YES1: variants seen among roughly 807,000 people sequenced by gnomAD.
YES1 encodes the protein YES proto-oncogene 1, Src family tyrosine kinase.
YES1 carries 39 observed loss-of-function variants against 70.4 expected under a neutral mutation model. The observed-to-expected ratio is 0.55, with a 90% CI of 0.43 to 0.72. YES1 has a LOEUF of 0.72. Ranked by LOEUF, YES1 falls within the 30% of genes least tolerant of loss-of-function variation. YES1 has a pLI of 0.00. For synonymous variants in YES1, 198 were observed against 218.6 expected (o/e 0.91, Z 0.83); for missense variants, 495 against 644.8 (o/e 0.77, Z 2.52).
chr18:772,325 G>C (rs911055715), intron 1 of YES1, among the ~76,000 whole-genome samples: 1 of 151,862 alleles, frequency 6.6e-6, no homozygotes, highest in Non-Finnish European at 1.5e-5. Flanking sequence ...CACCGCACCC[G>C]GCCTGCATGT....
chr18:772,318 C>T (rs367569942), intron 1 of YES1, among the ~76,000 whole-genome samples: 2 of 151,974 alleles, frequency 1.3e-5, no homozygotes, highest in Non-Finnish European at 2.9e-5. Flanking sequence ...CATGAGCCAC[C>T]GCACCCGGCC....
intron 8 of YES1, among the ~76,000 whole-genome samples, chr18:741,544 C>G (rs2080217092): frequency 6.6e-6 from 1 of 152,164 alleles, no homozygotes; most frequent in Admixed American, 6.5e-5. Flanking sequence ...TGGCTCACAC[C>G]TGTAATCCCA....
intron 1 of YES1, among the ~76,000 whole-genome samples, chr18:799,141 A>C (rs1384306050): frequency 6.6e-6 from 1 of 152,164 alleles, no homozygotes; most frequent in African/African-American, 2.4e-5. Flanking sequence ...TACCTTTCAA[A>C]TATTCTAACC....
intron 1 of YES1, among the ~76,000 whole-genome samples, chr18:809,824 G>C (rs1310984178): frequency 1.3e-5 from 2 of 151,852 alleles, no homozygotes; most frequent in Non-Finnish European, 2.9e-5. Flanking sequence ...GCACACAAAC[G>C]TAGGGCTTAA....
At chr18:749,787 G>A (rs2080322618) in intron 3 of YES1, among the ~76,000 whole-genome samples, 2 of 151,648 alleles carry the variant, frequency 1.3e-5, no homozygotes, top group African/African-American at 4.8e-5. Flanking sequence ...ATGAACCCAG[G>A]GGGCAGAGCT....
At chr18:774,356 G>A (rs1905280042) in intron 1 of YES1, among the ~76,000 whole-genome samples, 1 of 152,014 alleles carries the variant, frequency 6.6e-6, no homozygotes, top group Non-Finnish European at 1.5e-5. Context: ...GTATCTTTAC[G>A]GACTTCTGGA....
chr18:754,435 G>A (rs112605495), intron 2 of YES1, among the ~76,000 whole-genome samples: 2 of 152,004 alleles, frequency 1.3e-5, no homozygotes, highest in African/African-American at 2.4e-5. Flanking sequence ...GGCTGGGTGC[G>A]GTGGCTCACG....
intron 1 of YES1, among the ~76,000 whole-genome samples, chr18:792,565 ATGTGTGTGTGTG>A (rs71174292): frequency 1.2e-4 from 18 of 147,120 alleles, no homozygotes; most frequent in Middle Eastern, 7.2e-3. Flanking sequence ...CCCTCTGTAT[ATGTGTGTGTGTG>A]TGTGTGTGTA....
chr18:742,935 G>T lies in YES1; in HGVS notation c.1043C>A (p.Thr348Asn). The change falls in exon 8 of 12, where the codon ACT becomes AAT. Residue 348 changes from threonine to asparagine, a missense_variant. Coordinates refer to ENST00000314574, the MANE Select transcript of YES1 (RefSeq NM_005433.4). ...VVSEEPIYIV[T>N]EFMSKGSLLD... ...ATACATACCTTTTGACATAAATTCAGTGACAATGTAAATTGGTTCTTCAGA... is the reference window on the plus strand; with the variant it reads ...ATACATACCTTTTGACATAAATTCATTGACAATGTAAATTGGTTCTTCAGA... The T allele has an allele frequency of 2.5e-6, 4 of 1,593,532 alleles. No homozygotes were observed. The highest frequency in any genetic ancestry group is 3.4e-6 in the Non-Finnish European group (4 of 1,174,212).
chr18:725,890 TG>T (rs956937342), intron 11 of YES1, among the ~76,000 whole-genome samples: 2 of 150,906 alleles, frequency 1.3e-5, no homozygotes, highest in African/African-American at 4.9e-5. Context: ...TCTCGCGGGG[TG>T]GGGAAGTGAA....
intron 1 of YES1, among the ~76,000 whole-genome samples, chr18:799,598 C>T (rs978327019): frequency 2.0e-5 from 3 of 152,096 alleles, no homozygotes; most frequent in Admixed American, 6.6e-5. Context: ...TAATGAGCAA[C>T]TCAGGAGGCT....
intron 2 of YES1, among the ~76,000 whole-genome samples, chr18:754,233 G>C (rs2080377876): frequency 6.6e-6 from 1 of 152,066 alleles, no homozygotes. Flanking sequence ...GAGTAATCGT[G>C]GTCTCCTAAC....
chr18:755,183 A>T (rs780531770), intron 2 of YES1, among the ~76,000 whole-genome samples: 2 of 152,060 alleles, frequency 1.3e-5, no homozygotes. Flanking sequence ...ACTGTAATTG[A>T]CTTAACATGC....
chr18:801,114 C>A (rs1906796878), intron 1 of YES1, among the ~76,000 whole-genome samples: 3 of 151,946 alleles, frequency 2.0e-5, no homozygotes. Context: ...TCACAGCACT[C>A]CAGCCTGGGC....
chr18:771,406 T>C (rs1351874409), intron 1 of YES1, among the ~76,000 whole-genome samples: 4 of 152,172 alleles, frequency 2.6e-5, no homozygotes, highest in African/African-American at 9.7e-5. Context: ...GAGGGTATTA[T>C]TTCTTAAATG....
intron 1 of YES1, among the ~76,000 whole-genome samples, chr18:761,091 A>G (rs1366604113): frequency 6.6e-6 from 1 of 152,174 alleles, no homozygotes; most frequent in African/African-American, 2.4e-5. Context: ...TGGTTACCAG[A>G]CTGGAAGATT....
intron 1 of YES1, among the ~76,000 whole-genome samples, chr18:780,095 G>T (rs1054294188): frequency 2.0e-5 from 3 of 151,952 alleles, no homozygotes; most frequent in Non-Finnish European, 4.4e-5. Context: ...TTAGCCAGGC[G>T]CTGTGGCACG....
chr18:751,646 CCT>C, intron 3 of YES1, 57 bp downstream of exon 3: 1 of 1,143,250 alleles, frequency 8.7e-7, no homozygotes, highest in African/African-American at 1.5e-5. Context: ...CTCAGTGGTT[CCT>C]GTGTAAAGAC....
rs369135022 is a variant in YES1 at position 724,384 on chromosome 18, T to C, written c.*40A>G. On this transcript the variant is annotated 3_prime_UTR_variant, in exon 12 of 12. Transcript: ENST00000314574. ...GTAGAAAATCTACACAAGTTCTTTA[T>C]ATTTTGGCAGATTTGTGCATATAAA... The C allele has an allele frequency of 3.1e-5, 48 of 1,550,768 alleles. No homozygotes were observed. Among genetic ancestry groups the C allele is most frequent in the South Asian group, 4.6e-5 (4 of 87,912 alleles).
Sources: allele counts gnomAD v4.1 joint callset (sites outside exome capture counted in the v4.1 genomes callset), GRCh38; gene constraint gnomAD v4.1.1; transcripts MANE v1.5; gene names NCBI Gene and HGNC (gene_info 2026-07-23, HGNC 2026-07-21).